The following MYO9A variants were observed in gnomAD, a reference collection of about 807,000 sequenced individuals.
MYO9A encodes the protein unconventional myosin-IXa.
MYO9A carries 103 observed loss-of-function variants against 293.3 expected under a neutral mutation model. That is an observed-to-expected ratio of 0.35 (90% CI 0.30 to 0.41). The LOEUF (loss-of-function observed/expected upper bound fraction) is 0.41. MYO9A is among the 10% of genes least tolerant of loss of function. The probability of loss-of-function intolerance (pLI) is 1.00; values close to 1 mark genes in which losing one functional copy is unlikely to be tolerated. For missense variants in MYO9A, 2,685 were observed against 3,033.0 expected (o/e 0.89, Z 2.69); for synonymous variants, 1,001 against 1,035.7 (o/e 0.97, Z 0.64).
Position 72,046,205 on chromosome 15 carries a change from C to A in MYO9A, c.359G>T (p.Ser120Ile), listed in dbSNP as rs147186127. 20 of 1,613,972 alleles carry A rather than the reference C, an allele frequency of 1.2e-5. No homozygotes were observed. Among genetic ancestry groups the A allele is most frequent in the Non-Finnish European group, 1.4e-5 (17 of 1,180,008 alleles). Residue 120 changes from serine to isoleucine, a missense_variant, in exon 2 of 42, where the codon AGC (serine) becomes ATC (isoleucine). By Grantham distance (142) the Ser-to-Ile change is moderately radical. Coordinates refer to ENST00000356056, the MANE Select transcript of MYO9A (RefSeq NM_006901.4). ...TGTTACCCGTAGCCATGACTGCAGG[C>A]TACCATAATGGATTGATCCATCAAG... ...KNLDGSIHYG[S>I]LQSWLRVTEE...
intron 33 of MYO9A, among the ~76,000 whole-genome samples, chr15:71,861,872 G>A (rs899051807): frequency 2.6e-5 from 4 of 152,112 alleles, no homozygotes; most frequent in East Asian, 1.9e-4. Context: ...AGTGGCTCAC[G>A]CCTGTAATCC....
intron 40 of MYO9A, among the ~76,000 whole-genome samples, chr15:71,828,500 C>T (rs1045957673): frequency 1.4e-4 from 22 of 152,200 alleles, no homozygotes; most frequent in African/African-American, 5.1e-4. Flanking sequence ...ATAGACGATA[C>T]CCTCTATCTT....
intron 17 of MYO9A, chr15:71,935,050 G>C (rs554082804): frequency 9.2e-6 from 2 of 218,104 alleles, no homozygotes; most frequent in East Asian, 1.9e-4. Context: ...TCTGAAGGTA[G>C]GGCCTGTCTA....
rs2056069556 is a variant in MYO9A, at chr15:71,860,453, G to A, written c.6092-657C>T. The stretch of plus-strand genomic sequence containing the variant: ...TAGCTGGGCAGCTGGTGAACAGGAA[G>A]AGGCACATTTAGAGGAAGGTATTGA... On this transcript the variant is annotated intron_variant, in intron 33 of 41. Coordinates refer to ENST00000356056, the MANE Select transcript of MYO9A (RefSeq NM_006901.4). 1.3e-5 allele frequency among the ~76,000 whole-genome samples: 2 copies of A among 152,204 alleles called. 1 individual carries two copies. Among genetic ancestry groups the A allele is most frequent in the South Asian group, 4.1e-4 (2 of 4,832 alleles).
intron 1 of MYO9A, among the ~76,000 whole-genome samples, chr15:72,050,317 G>A (rs917511185): frequency 5.3e-5 from 8 of 151,956 alleles, no homozygotes; most frequent in South Asian, 2.1e-4. Flanking sequence ...TTTTCAAAAC[G>A]TACATTACCA....
intron 1 of MYO9A, among the ~76,000 whole-genome samples, chr15:72,048,412 T>TA (rs2078456759): frequency 6.6e-6 from 1 of 150,654 alleles, no homozygotes; most frequent in Non-Finnish European, 1.5e-5. Context: ...AAAAAAAAAT[T>TA]AAAAAAGAAA....
chr15:71,875,942 T>C (rs1042295958), intron 31 of MYO9A, 104 bp from the exon 32 acceptor site: 11 of 561,402 alleles, frequency 2.0e-5, no homozygotes, highest in East Asian at 7.4e-5. Flanking sequence ...GGTAACACAA[T>C]AGTCATTTCT....
intron 18 of MYO9A, among the ~76,000 whole-genome samples, chr15:71,930,501 A>T (rs1168274293): frequency 1.3e-5 from 2 of 149,338 alleles, no homozygotes; most frequent in Admixed American, 1.3e-4. Flanking sequence ...TTTGTCTGTT[A>T]TAAGGATAAC....
rs373613644 is a variant in MYO9A at position 72,030,046 on chromosome 15, GTC to G, written c.936-2255_936-2254del. Among the ~76,000 whole-genome samples, 50 of 152,212 alleles carry G rather than the reference GTC, an allele frequency of 3.3e-4. No individual in the cohort carries two copies. In the East Asian group the frequency reaches 9.3e-3, roughly 28 times the overall value. On this transcript the variant is annotated intron_variant, in intron 3 of 41. Transcript: ENST00000356056. Reference sequence around the variant, plus strand: ...ATTCCCTAGTCTATTCCCAGTCTCTGTCCAGTAAATTGCATTCCTTCATTAAA... The same window carrying G: ...ATTCCCTAGTCTATTCCCAGTCTCTGCAGTAAATTGCATTCCTTCATTAAA...
chr15:71,956,320 A>ATATATATATATATATATATAT (rs1567314762), intron 14 of MYO9A, among the ~76,000 whole-genome samples: 1 of 17,486 alleles, frequency 5.7e-5, no homozygotes, highest in Admixed American at 4.7e-4. Flanking sequence ...TAAAAAAAAA[A>ATATATATATATATATATATAT]AAAAAAAAAA....
chr15:71,975,453 T>C (rs2076119244), intron 12 of MYO9A, among the ~76,000 whole-genome samples: 1 of 145,674 alleles, frequency 6.9e-6, no homozygotes, highest in Admixed American at 6.8e-5. Flanking sequence ...GGTTCCTGAC[T>C]TATTAACTAC....
At chr15:71,941,880 T>C (rs1002722982) in intron 15 of MYO9A, among the ~76,000 whole-genome samples, 4 of 152,064 alleles carry the variant, frequency 2.6e-5, no homozygotes, top group Non-Finnish European at 5.9e-5. Flanking sequence ...AATTTGATAG[T>C]TTGTAATGAT....
intron 1 of MYO9A, among the ~76,000 whole-genome samples, chr15:72,048,507 C>G (rs2078460161): frequency 6.6e-6 from 1 of 152,112 alleles, no homozygotes; most frequent in Admixed American, 6.6e-5. Flanking sequence ...ATTAACAGTC[C>G]TATCTCATAG....
At chr15:71,902,917 C>T (rs1273397369) in intron 22 of MYO9A, 24 bp downstream of exon 22, 1 of 1,430,758 alleles carries the variant, frequency 7.0e-7, no homozygotes, top group Non-Finnish European at 9.3e-7. Flanking sequence ...CAATTTTGAC[C>T]AGAGCTATAC....
intron 39 of MYO9A, among the ~76,000 whole-genome samples, chr15:71,838,295 T>C (rs984875951): frequency 7.2e-5 from 11 of 152,118 alleles, no homozygotes; most frequent in African/African-American, 2.7e-4. Flanking sequence ...ACTTTCCTTA[T>C]GGTCATTTTT....
At chr15:71,902,917 CAG>C (rs1450505616) in intron 22 of MYO9A, 22 bp downstream of exon 22, 2 of 1,430,640 alleles carry the variant, frequency 1.4e-6, no homozygotes, top group African/African-American at 3.0e-5. Flanking sequence ...CAATTTTGAC[CAG>C]AGCTATACAG....
intron 1 of MYO9A, among the ~76,000 whole-genome samples, chr15:72,085,367 T>C (rs1029673700): frequency 6.1e-5 from 9 of 148,438 alleles, no homozygotes; most frequent in Non-Finnish European, 1.0e-4. Flanking sequence ...CACTCCAGCC[T>C]GGCGACAGAG....
intron 11 of MYO9A, 28 bp downstream of exon 11, chr15:71,991,075 A>T: frequency 6.6e-7 from 1 of 1,506,050 alleles, no homozygotes; most frequent in Non-Finnish European, 8.9e-7. Flanking sequence ...TGATGGGGGG[A>T]CAAGTGTATA....
At chr15:72,110,750 GA>G (rs926964550) in intron 1 of MYO9A, among the ~76,000 whole-genome samples, 1 of 152,060 alleles carries the variant, frequency 6.6e-6, no homozygotes, top group Non-Finnish European at 1.5e-5. Context: ...TATTTTAACT[GA>G]AAAAAATCAC....
Sources: allele counts gnomAD v4.1 joint callset (sites outside exome capture counted in the v4.1 genomes callset), GRCh38; gene constraint gnomAD v4.1.1; transcripts MANE v1.5; gene names NCBI Gene and HGNC (gene_info 2026-07-23, HGNC 2026-07-21).